The following PTPRN2 variants were observed in gnomAD, a reference collection of about 807,000 sequenced individuals.
The protein encoded by PTPRN2 is protein tyrosine phosphatase receptor type N2.
A neutral mutation model predicts 118.8 loss-of-function variants in PTPRN2; 74 were observed. The ratio of observed to expected loss-of-function variants is 0.62; its 90% confidence interval spans 0.52 to 0.76. The LOEUF is 0.76. Among genes scored for constraint, PTPRN2 ranks in the 30% least tolerant of loss-of-function variants. PTPRN2 has a pLI of 0.00. For synonymous variants in PTPRN2, 641 were observed against 608.0 expected (o/e 1.05, Z -0.80); for missense variants, 1,481 against 1,394.4 (o/e 1.06, Z -0.99).
At chr7:157,714,982 C>T (rs1231791783) in intron 12 of PTPRN2, among the ~76,000 whole-genome samples, 4 of 152,228 alleles carry the variant, frequency 2.6e-5, no homozygotes, top group Admixed American at 1.3e-4. Context: ...CAGGGAACGG[C>T]GCCCAGCCCC....
At chr7:157,684,960 A>C (rs1398267229) in intron 12 of PTPRN2, among the ~76,000 whole-genome samples, 1 of 151,698 alleles carries the variant, frequency 6.6e-6, no homozygotes, top group Non-Finnish European at 1.5e-5. Context: ...GCGCCGGGAC[A>C]GGGGCCGGGT....
chr7:157,628,762 T>C (rs1108200), intron 14 of PTPRN2, among the ~76,000 whole-genome samples: 2,793 of 152,278 alleles, frequency 0.018, 56 homozygotes, highest in South Asian at 0.064. Flanking sequence ...AGTGTTTCAG[T>C]AGAGGAAGAG....
At chr7:157,997,497 C>A (rs1378270056) in intron 11 of PTPRN2, among the ~76,000 whole-genome samples, 2 of 152,234 alleles carry the variant, frequency 1.3e-5, no homozygotes, top group Non-Finnish European at 2.9e-5. Context: ...CACACTGGCC[C>A]TGCAAGGGCT....
Position 158,171,523 on chromosome 7 carries a change from G to C in PTPRN2, c.550-4232C>G, listed in dbSNP as rs117562412. Among the ~76,000 whole-genome samples the C allele has an allele frequency of 4.2e-3, 639 of 151,550 alleles. 13 individuals are homozygous for C. The East Asian group carries it at 0.059, about 14-fold the overall frequency. Reference sequence around the variant, plus strand: ...GCCACCAGGCCCAGCTAACTTTTCTGCATTTTTAGTAGAGATGGGGTTTCA... The same window carrying C: ...GCCACCAGGCCCAGCTAACTTTTCTCCATTTTTAGTAGAGATGGGGTTTCA... On this transcript the variant is annotated intron_variant, in intron 5 of 22. Coordinates refer to ENST00000389418, the MANE Select transcript of PTPRN2 (RefSeq NM_002847.5).
chr7:158,080,936 C>T (rs1812774463), intron 11 of PTPRN2, among the ~76,000 whole-genome samples: 1 of 152,220 alleles, frequency 6.6e-6, no homozygotes, highest in Non-Finnish European at 1.5e-5. Context: ...GTGCTCTGCA[C>T]ACACTGGGAT....
chr7:158,050,786 A>C (rs1809267010), intron 11 of PTPRN2, among the ~76,000 whole-genome samples: 1 of 152,244 alleles, frequency 6.6e-6, no homozygotes, highest in Non-Finnish European at 1.5e-5. Context: ...CCTGCCTACC[A>C]AGAAAATAAG....
intron 21 of PTPRN2, among the ~76,000 whole-genome samples, chr7:157,553,810 ATTAAGACTAACTCCTTACT>A (rs1401156973): frequency 1.3e-5 from 2 of 152,230 alleles, no homozygotes; most frequent in Non-Finnish European, 2.9e-5. Context: ...GCATGCCAGG[ATTAAGACTAACTCCTTACT>A]TCAAGTGTGG....
chr7:158,519,596 G>C (rs546172245), intron 1 of PTPRN2, among the ~76,000 whole-genome samples: 1 of 152,156 alleles, frequency 6.6e-6, no homozygotes, highest in South Asian at 2.1e-4. Context: ...GCACTCTCCT[G>C]CACTCTCCAT....
At position 157,651,384 on chromosome 7, in the gene PTPRN2, A is replaced by G. The variant is rs534537887; in HGVS notation, c.2196+4973T>C. Among the ~76,000 whole-genome samples, 4 of 152,292 alleles carry G rather than the reference A, an allele frequency of 2.6e-5. No individual in the cohort carries two copies. In the South Asian group the frequency reaches 8.3e-4, roughly 32 times the overall value. On this transcript the variant is annotated intron_variant, in intron 14 of 22. Transcript: ENST00000389418. ...TCCATATCCTCATCTTCAACACTCA[A>G]GAGGATGGATTCTGAAAAGCACTTA... is the stretch of plus-strand genomic sequence containing the variant.
intron 11 of PTPRN2, among the ~76,000 whole-genome samples, chr7:157,959,477 G>T (rs1801385877): frequency 3.3e-5 from 5 of 152,286 alleles, no homozygotes; most frequent in Admixed American, 3.3e-4. Flanking sequence ...ATCTGATTAG[G>T]AGTATCTAGA....
At chr7:158,416,675 G>C (rs1408603332) in intron 2 of PTPRN2, among the ~76,000 whole-genome samples, 1 of 152,204 alleles carries the variant, frequency 6.6e-6, no homozygotes. Flanking sequence ...TCCAAAGAAA[G>C]GCCAGGGGGC....
At chr7:158,292,204 T>C (rs1385234628) in intron 3 of PTPRN2, among the ~76,000 whole-genome samples, 2 of 152,204 alleles carry the variant, frequency 1.3e-5, no homozygotes, top group African/African-American at 4.8e-5. Context: ...CCTCCTCTGT[T>C]GAGACATCTA....
At chr7:158,368,907 T>A (rs1809739797) in intron 2 of PTPRN2, among the ~76,000 whole-genome samples, 1 of 152,192 alleles carries the variant, frequency 6.6e-6, no homozygotes, top group Non-Finnish European at 1.5e-5. Flanking sequence ...TTGATTGGAT[T>A]GAAGGATGGA....
At chr7:158,466,716 C>A (rs1339239467) in intron 2 of PTPRN2, among the ~76,000 whole-genome samples, 1 of 152,126 alleles carries the variant, frequency 6.6e-6, no homozygotes, top group Non-Finnish European at 1.5e-5. Flanking sequence ...TTTTTAATTT[C>A]TTGAGGAACC....
chr7:158,274,003 GGGAGCCGCAGAC>G (rs1300328986), intron 3 of PTPRN2, among the ~76,000 whole-genome samples: 2 of 125,736 alleles, frequency 1.6e-5, no homozygotes, highest in Non-Finnish European at 1.7e-5. Context: ...CGCAGACACA[GGGAGCCGCAGAC>G]ACAGGGGGAG....
chr7:157,568,833 A>G (rs1585043664), intron 21 of PTPRN2, 69 bp downstream of exon 21: 1 of 1,475,270 alleles, frequency 6.8e-7, no homozygotes, highest in East Asian at 2.3e-5. Flanking sequence ...TGAACACGGC[A>G]CCCTACGTTG....
At chr7:158,528,400 A>G (rs1824952917) in intron 1 of PTPRN2, among the ~76,000 whole-genome samples, 1 of 152,144 alleles carries the variant, frequency 6.6e-6, no homozygotes, top group South Asian at 2.1e-4. Context: ...TGCCCTGTGA[A>G]ATGCACATTT....
chr7:158,341,545 T>TGC (rs1563177878), intron 2 of PTPRN2, among the ~76,000 whole-genome samples: 20 of 23,438 alleles, frequency 8.5e-4, no homozygotes, highest in Admixed American at 1.0e-3. Flanking sequence ...AGAGGTGACA[T>TGC]CTGCAGACGT....
intron 21 of PTPRN2, among the ~76,000 whole-genome samples, chr7:157,559,401 G>A (rs1174789643): frequency 6.6e-6 from 1 of 152,218 alleles, no homozygotes; most frequent in Non-Finnish European, 1.5e-5. Flanking sequence ...TGGAAACCCA[G>A]GATAGGGAGT....
Sources: allele counts gnomAD v4.1 joint callset (sites outside exome capture counted in the v4.1 genomes callset), GRCh38; gene constraint gnomAD v4.1.1; transcripts MANE v1.5; gene names NCBI Gene and HGNC (gene_info 2026-07-23, HGNC 2026-07-21).